Variants in NCAPG2 observed in about 807,000 individuals in gnomAD.
NCAPG2 encodes the protein condensin-2 complex subunit G2.
NCAPG2 carries 53 observed loss-of-function variants against 141.1 expected under a neutral mutation model. The observed-to-expected ratio is 0.38, with a 90% CI of 0.30 to 0.47. NCAPG2 has a LOEUF of 0.47. Ranked by LOEUF, NCAPG2 falls within the 20% of genes least tolerant of loss-of-function variation. The pLI, the probability that NCAPG2 is intolerant of heterozygous loss-of-function variation, is 0.99. For missense variants in NCAPG2, 1,087 were observed against 1,389.0 expected (o/e 0.78, Z 3.46); for synonymous variants, 499 against 490.7 (o/e 1.02, Z -0.22).
At chr7:158,700,864 A>G (rs1022413236) in intron 2 of NCAPG2, among the ~76,000 whole-genome samples, 13 of 152,202 alleles carry the variant, frequency 8.5e-5, no homozygotes, top group African/African-American at 2.4e-4. Context: ...AGTGCCTCCA[A>G]TGCTGGCTTC....
At chr7:158,654,118 G>C (rs1831721920) in intron 22 of NCAPG2, among the ~76,000 whole-genome samples, 1 of 152,100 alleles carries the variant, frequency 6.6e-6, no homozygotes, top group Non-Finnish European at 1.5e-5. Flanking sequence ...GATGTGATTC[G>C]AGGGCTGTCC....
At chr7:158,670,003 A>T (rs529582952) in intron 13 of NCAPG2, among the ~76,000 whole-genome samples, 4 of 152,272 alleles carry the variant, frequency 2.6e-5, no homozygotes, top group Non-Finnish European at 5.9e-5. Flanking sequence ...CTGGAAGAAC[A>T]GCAAAGCTGG....
chr7:158,655,366 A>G lies in NCAPG2; in HGVS notation c.2478T>C (p.Cys826=). 1 of 1,614,190 alleles carries G rather than the reference A, an allele frequency of 6.2e-7. No homozygotes were observed. Among genetic ancestry groups the G allele is most frequent in the South Asian group, 1.1e-5 (1 of 91,086 alleles). Residue 826 remains cysteine (C), a synonymous_variant, in exon 20 of 28, where the codon TGT becomes TGC. Transcript: ENST00000356309. ...TGTGCTGAAGATGGATGCTCAGGCG[A>G]CAGTGGAGACCAAAGGCTCGCGGGG... ...AAAPRAFGLH[C]RLSIHLQHKF...
At chr7:158,680,119 C>T in intron 10 of NCAPG2, 34 bp from the exon 11 acceptor site, 2 of 1,604,576 alleles carry the variant, frequency 1.2e-6, no homozygotes, top group Admixed American at 1.7e-5. Context: ...CTCAGAATCC[C>T]AAAGAGTTAA....
intron 21 of NCAPG2, 65 bp from the exon 22 acceptor site, chr7:158,654,759 A>T (rs1046089627): frequency 1.3e-6 from 2 of 1,552,230 alleles, no homozygotes; most frequent in Middle Eastern, 1.7e-4. Flanking sequence ...ATCCAGCCTC[A>T]CAAAGCTTCT....
At chr7:158,689,276 C>A (rs1834977877) in intron 6 of NCAPG2, among the ~76,000 whole-genome samples, 2 of 152,132 alleles carry the variant, frequency 1.3e-5, no homozygotes, top group Non-Finnish European at 1.5e-5. Flanking sequence ...ATGTTCATTT[C>A]TTTCCCACTA....
At chr7:158,695,233 A>T (rs1835375042) in intron 2 of NCAPG2, among the ~76,000 whole-genome samples, 1 of 152,140 alleles carries the variant, frequency 6.6e-6, no homozygotes, top group East Asian at 1.9e-4. Context: ...CTGATTCATG[A>T]CGCTTACATC....
At chr7:158,648,667 C>G (rs111339877) in intron 24 of NCAPG2, among the ~76,000 whole-genome samples, 2 of 47,304 alleles carry the variant, frequency 4.2e-5, no homozygotes, top group Admixed American at 2.2e-4. Context: ...CACAACCACG[C>G]CAAATGGACC....
At chr7:158,668,214 C>CCCTTACCCACTACTGGGTCCCTCTGCCCT (rs1231697050) in intron 13 of NCAPG2, 1 of 168,240 alleles carries the variant, frequency 5.9e-6, no homozygotes, top group Non-Finnish European at 7.3e-6. Context: ...CCTCCGCCCC[C>CCCTTACCCACTACTGGGTCCCTCTGCCCT]CCTTACCCAC....
Position 158,655,377 on chromosome 7 carries a change from C to A in NCAPG2, c.2467G>T (p.Gly823Cys). 1 of 1,614,140 alleles carries A rather than the reference C, an allele frequency of 6.2e-7. No homozygotes were observed. Among genetic ancestry groups the A allele is most frequent in the South Asian group, 1.1e-5 (1 of 91,086 alleles). Residue 823 changes from glycine (G) to cysteine (C), a missense_variant, in exon 20 of 28, where the codon GGT (glycine) becomes TGT (cysteine). By Grantham distance (159) the Gly-to-Cys change is radical. Transcript: ENST00000356309. ...FSEAAAPRAFGLHCRLSIHLQ... is the reference protein window; with the variant it reads ...FSEAAAPRAFCLHCRLSIHLQ... ...TGGATGCTCAGGCGACAGTGGAGAC[C>A]AAAGGCTCGCGGGGCAGCTGCTTCA...
At chr7:158,682,742 G>C (rs1179206957) in intron 9 of NCAPG2, among the ~76,000 whole-genome samples, 2 of 152,110 alleles carry the variant, frequency 1.3e-5, no homozygotes, top group African/African-American at 4.8e-5. Context: ...CTCCTGCCAG[G>C]ATCCTTAAGA....
At chr7:158,686,976 T>G (rs956030229) in intron 7 of NCAPG2, among the ~76,000 whole-genome samples, 1 of 152,168 alleles carries the variant, frequency 6.6e-6, no homozygotes, top group Non-Finnish European at 1.5e-5. Context: ...CAACGTTCCC[T>G]GCTGCTCCTG....
chr7:158,667,195 G>GAA (rs1313867504), intron 13 of NCAPG2: 1 of 985,332 alleles, frequency 1.0e-6, no homozygotes, highest in Non-Finnish European at 1.2e-6. Context: ...GATAAGGACT[G>GAA]AAACGCAAAC....
intron 13 of NCAPG2, chr7:158,665,447 C>T (rs925043307): frequency 9.2e-5 from 14 of 152,290 alleles, no homozygotes; most frequent in Non-Finnish European, 1.5e-5. Flanking sequence ...CATGACAAAG[C>T]AAAATTGAAT....
At chr7:158,675,893 C>T (rs1370115297) in intron 11 of NCAPG2, among the ~76,000 whole-genome samples, 1 of 152,194 alleles carries the variant, frequency 6.6e-6, no homozygotes, top group African/African-American at 2.4e-5. Context: ...GACAGCAGGG[C>T]CTCAAAACCA....
intron 27 of NCAPG2, among the ~76,000 whole-genome samples, chr7:158,634,097 T>C (rs1830041571): frequency 6.6e-6 from 1 of 152,134 alleles, no homozygotes; most frequent in Non-Finnish European, 1.5e-5. Context: ...TGAACATGAA[T>C]TTAAAAATAC....
chr7:158,660,925 T>G (rs763678673), intron 16 of NCAPG2, among the ~76,000 whole-genome samples: 3 of 152,176 alleles, frequency 2.0e-5, no homozygotes, highest in Non-Finnish European at 4.4e-5. Flanking sequence ...CCTTTGTGCT[T>G]GGCTCTCATT....
At chr7:158,690,828 A>T in intron 4 of NCAPG2, 106 bp from the exon 5 acceptor site, 3 of 1,021,906 alleles carry the variant, frequency 2.9e-6, no homozygotes, top group Non-Finnish European at 4.1e-6. Context: ...AAGCTTTGCT[A>T]AGCAAATAAT....
chr7:158,677,047 G>A (rs187982986), intron 11 of NCAPG2, among the ~76,000 whole-genome samples: 172 of 152,210 alleles, frequency 1.1e-3, no homozygotes, highest in African/African-American at 3.9e-3. Context: ...AAGAGTTTGT[G>A]GCAAGGGCTG....
Sources: allele counts gnomAD v4.1 joint callset (sites outside exome capture counted in the v4.1 genomes callset), GRCh38; gene constraint gnomAD v4.1.1; transcripts MANE v1.5; gene names NCBI Gene and HGNC (gene_info 2026-07-23, HGNC 2026-07-21).